TBC1D22A: variants seen among roughly 807,000 people sequenced by gnomAD.
TBC1D22A encodes putative GTPase activator.
TBC1D22A carries 38 observed loss-of-function variants against 60.2 expected under a neutral mutation model. That is an observed-to-expected ratio of 0.63 (90% CI 0.49 to 0.83). TBC1D22A has a LOEUF of 0.83. Ranked by LOEUF, TBC1D22A falls within the 40% of genes least tolerant of loss-of-function variation. TBC1D22A has a pLI of 0.00. For synonymous variants in TBC1D22A, 302 were observed against 281.7 expected, an observed-to-expected ratio of 1.07 and a Z score of -0.72; for missense variants, 628 against 701.0, an observed-to-expected ratio of 0.90 and a Z score of 1.18.
intron 12 of TBC1D22A, among the ~76,000 whole-genome samples, chr22:47,145,403 T>TGTGTAACC (rs2067251196): frequency 6.6e-6 from 1 of 152,150 alleles, no homozygotes; most frequent in African/African-American, 2.4e-5. Context: ...CCAGAGTCCT[T>TGTGTAACC]CTTAGCCAGC....
chr22:47,083,641 T>C (rs900848295), intron 11 of TBC1D22A, among the ~76,000 whole-genome samples: 2 of 152,182 alleles, frequency 1.3e-5, no homozygotes, highest in Non-Finnish European at 2.9e-5. Flanking sequence ...TGCTGAGCTC[T>C]GTGAATCTGT....
At chr22:47,143,968 C>T (rs368428562) in intron 12 of TBC1D22A, among the ~76,000 whole-genome samples, 3 of 152,170 alleles carry the variant, frequency 2.0e-5, no homozygotes, top group Admixed American at 6.5e-5. Flanking sequence ...CTGGGCTGGC[C>T]GTGGTGCCTG....
At chr22:46,827,886 C>T (rs17762199) in intron 4 of TBC1D22A, among the ~76,000 whole-genome samples, 11,047 of 152,254 alleles carry the variant, frequency 0.073, 572 homozygotes, top group Non-Finnish European at 0.11. Flanking sequence ...ACGTGAGCAG[C>T]GTTAAGGCCG....
At chr22:47,096,730 G>A (rs1384733922) in intron 11 of TBC1D22A, among the ~76,000 whole-genome samples, 1 of 152,142 alleles carries the variant, frequency 6.6e-6, no homozygotes, top group Non-Finnish European at 1.5e-5. Flanking sequence ...GCTGAGGCAG[G>A]AGAATTGCTT....
rs564662659 is a variant in TBC1D22A at position 47,118,851 on chromosome 22, T to G, written c.1425+7248T>G. ...ATGCTAAACTTGCCTCAAGATAAGC[T>G]TTAAAAAAAGCCCAACCTGGCCAGG... On this transcript the variant is annotated intron_variant, in intron 12 of 12. Transcript: ENST00000337137. Among the ~76,000 whole-genome samples the G allele has an allele frequency of 3.3e-3, 502 of 152,116 alleles. 7 individuals are homozygous for G. The South Asian group carries it at 0.033, about 10-fold the overall frequency.
chr22:47,098,500 G>A (rs2147657290), intron 11 of TBC1D22A, among the ~76,000 whole-genome samples: 1 of 152,352 alleles, frequency 6.6e-6, no homozygotes, highest in African/African-American at 2.4e-5. Context: ...CACAGCAGAA[G>A]CCATGCTCCC....
At chr22:47,108,653 A>C (rs1473853498) in intron 11 of TBC1D22A, among the ~76,000 whole-genome samples, 1 of 152,236 alleles carries the variant, frequency 6.6e-6, no homozygotes, top group Non-Finnish European at 1.5e-5. Context: ...GCGTATATCA[A>C]AACTTATCAA....
chr22:46,943,634 TTGTGC>T (rs1209319394), intron 8 of TBC1D22A, among the ~76,000 whole-genome samples: 1 of 152,198 alleles, frequency 6.6e-6, no homozygotes, highest in African/African-American at 2.4e-5. Context: ...CTTCACAGAA[TTGTGC>T]AACAATTGCC....
At chr22:47,070,349 G>T (rs1603231433) in intron 11 of TBC1D22A, among the ~76,000 whole-genome samples, 1 of 149,532 alleles carries the variant, frequency 6.7e-6, no homozygotes, top group Non-Finnish European at 1.5e-5. Context: ...TTGGAGCGGG[G>T]CTGACCTGAC....
rs142342787 is a variant in TBC1D22A, at chr22:46,837,610, A to C, written c.637+39990A>C. ...AAGAAAGTTCACAAATACGTGAACA[A>C]GACACCCCTAAACTACCAGTGGGTC... On this transcript the variant is annotated intron_variant, in intron 4 of 12. Coordinates refer to ENST00000337137, the MANE Select transcript of TBC1D22A (RefSeq NM_014346.5). Among the ~76,000 whole-genome samples the C allele has an allele frequency of 3.4e-3, 513 of 152,376 alleles. 3 individuals carry two copies. The highest frequency in any genetic ancestry group is 0.012 in the African/African-American group (491 of 41,602).
chr22:47,026,293 C>T (rs1274419886), intron 10 of TBC1D22A, among the ~76,000 whole-genome samples: 1 of 152,200 alleles, frequency 6.6e-6, no homozygotes, highest in African/African-American at 2.4e-5. Flanking sequence ...GGGAGGGTGT[C>T]AATGGAAAGC....
At chr22:46,794,834 G>A (rs2084583086) in intron 3 of TBC1D22A, among the ~76,000 whole-genome samples, 1 of 152,172 alleles carries the variant, frequency 6.6e-6, no homozygotes, top group South Asian at 2.1e-4. Flanking sequence ...GGGCAGGGGC[G>A]AAGTCCAGCT....
chr22:47,173,242 C>G (rs59972012), intron 12 of TBC1D22A, among the ~76,000 whole-genome samples: 3,163 of 152,216 alleles, frequency 0.021, 121 homozygotes, highest in African/African-American at 0.072. Context: ...TGGGGCGAGG[C>G]CTGGGGCCCT....
At chr22:46,970,024 A>G (rs570667385) in intron 8 of TBC1D22A, among the ~76,000 whole-genome samples, 25 of 152,230 alleles carry the variant, frequency 1.6e-4, no homozygotes, top group Non-Finnish European at 2.6e-4. Flanking sequence ...CAGGCTGTCA[A>G]GGTCCTTCCT....
intron 11 of TBC1D22A, among the ~76,000 whole-genome samples, chr22:47,088,866 A>G (rs2064804542): frequency 6.6e-6 from 1 of 152,244 alleles, no homozygotes; most frequent in Non-Finnish European, 1.5e-5. Context: ...TGAAGGCCAC[A>G]GCTCCAACAG....
At position 47,124,796 on chromosome 22, in the gene TBC1D22A, C is replaced by A. The variant is rs2066395800; in HGVS notation, c.1425+13193C>A. On this transcript the variant is annotated intron_variant, in intron 12 of 12. Transcript: ENST00000337137. ...GGGAAGCAGGTGATGAGTTTGGGCT[C>A]CACCGAGGTCCGCCAGTCTGAGCAC... Among the ~76,000 whole-genome samples, 3 of 151,998 alleles carry A rather than the reference C, an allele frequency of 2.0e-5. 1 individual carries two copies. The South Asian group carries it at 6.2e-4, about 32-fold the overall frequency.
At chr22:47,107,171 T>G (rs2009905) in intron 11 of TBC1D22A, among the ~76,000 whole-genome samples, 69,161 of 152,056 alleles carry the variant, frequency 0.45, 16,856 homozygotes, top group African/African-American at 0.63. Context: ...AAACAATTCA[T>G]TAACTTCCAG....
chr22:46,839,837 A>C (rs1277830005), intron 4 of TBC1D22A, among the ~76,000 whole-genome samples: 2 of 152,256 alleles, frequency 1.3e-5, no homozygotes, highest in East Asian at 1.9e-4. Context: ...CCAAGAACGC[A>C]CAATAGGGAA....
At position 46,875,451 on chromosome 22, in the gene TBC1D22A, C is replaced by CT. The variant is rs111543085; in HGVS notation, c.638-3191dup. ...TGTGTCTTGTCTGAGGGCAGCAATA[C>CT]TTTTTTTTTTTCTTTTTTTTGAGAC... On this transcript the variant is annotated intron_variant, in intron 4 of 12. Coordinates refer to ENST00000337137, the MANE Select transcript of TBC1D22A (RefSeq NM_014346.5). Among the ~76,000 whole-genome samples, 42 of 148,636 alleles carry CT rather than the reference C, an allele frequency of 2.8e-4. 1 individual carries two copies. In the South Asian group the frequency reaches 3.6e-3, roughly 13 times the overall value.
Sources: gnomAD v4.1 joint callset for allele counts (sites outside exome capture counted in the v4.1 genomes callset) on GRCh38, gnomAD v4.1.1 for gene constraint, MANE v1.5 for transcripts, NCBI Gene and HGNC (gene_info 2026-07-23, HGNC 2026-07-21) for gene names.